The following PPP1R1C variants were observed in gnomAD, a reference collection of about 807,000 sequenced individuals.
PPP1R1C encodes the protein protein phosphatase 1 regulatory subunit 1C.
PPP1R1C carries 15 observed loss-of-function variants against 17.4 expected under a neutral mutation model. The ratio of observed to expected loss-of-function variants is 0.86; its 90% CI spans 0.58 to 1.33. The LOEUF (loss-of-function observed/expected upper bound fraction) is 1.33, where lower values mean the gene tolerates loss of function less well. Ranked by LOEUF, PPP1R1C falls within the 40% of genes most tolerant of loss-of-function variation. The pLI is 0.00. For missense variants in PPP1R1C, 143 were observed against 130.0 expected, an observed-to-expected ratio of 1.10 and a Z score of -0.48; for synonymous variants, 35 against 43.1, an observed-to-expected ratio of 0.81 and a Z score of 0.73.
At chr2:182,004,793 C>T (rs1262756332) in intron 2 of PPP1R1C, among the ~76,000 whole-genome samples, 1 of 152,152 alleles carries the variant, frequency 6.6e-6, no homozygotes, top group Non-Finnish European at 1.5e-5. Context: ...GAAAAAGAAA[C>T]CTGAGTGCAT....
chr2:182,031,308 A>G (rs947998468), intron 2 of PPP1R1C, among the ~76,000 whole-genome samples: 1 of 152,230 alleles, frequency 6.6e-6, no homozygotes, highest in African/African-American at 2.4e-5. Context: ...AATGATGATT[A>G]TATTTGGATA....
chr2:182,100,067 C>T (rs1194574542), intron 4 of PPP1R1C, among the ~76,000 whole-genome samples: 1 of 152,176 alleles, frequency 6.6e-6, no homozygotes, highest in African/African-American at 2.4e-5. Flanking sequence ...GAAAGATACT[C>T]CTGAGATAAA....
At chr2:182,071,196 A>G (rs571451241) in intron 4 of PPP1R1C, among the ~76,000 whole-genome samples, 2 of 152,268 alleles carry the variant, frequency 1.3e-5, no homozygotes, top group East Asian at 1.9e-4. Flanking sequence ...CTAGGAATCT[A>G]TCCAGCATAC....
At chr2:181,988,963 A>G (rs1168949941) in intron 2 of PPP1R1C, among the ~76,000 whole-genome samples, 1 of 152,216 alleles carries the variant, frequency 6.6e-6, no homozygotes, top group African/African-American at 2.4e-5. Flanking sequence ...ATTATTTTCA[A>G]ATATATTATC....
intron 2 of PPP1R1C, among the ~76,000 whole-genome samples, chr2:182,000,129 C>T (rs558933276): frequency 6.6e-6 from 1 of 152,300 alleles, no homozygotes; most frequent in Non-Finnish European, 1.5e-5. Context: ...TATGTCATGA[C>T]ACCAAACCAG....
chr2:181,974,715 C>A (rs1340989925), intron 1 of PPP1R1C, among the ~76,000 whole-genome samples: 1 of 152,184 alleles, frequency 6.6e-6, no homozygotes, highest in Non-Finnish European at 1.5e-5. Context: ...AAGACAGTCA[C>A]TTGGGGTTGG....
At chr2:182,016,168 G>A (rs1041001927) in intron 2 of PPP1R1C, among the ~76,000 whole-genome samples, 18 of 152,242 alleles carry the variant, frequency 1.2e-4, no homozygotes, top group South Asian at 2.1e-4. Context: ...CATCCAATGC[G>A]AAGACTCACA....
chr2:182,121,904 T>C (rs1013115283), downstream of PPP1R1C, among the ~76,000 whole-genome samples: 11 of 152,204 alleles, frequency 7.2e-5, no homozygotes, highest in Non-Finnish European at 1.5e-4. Context: ...CCTGCTTCTT[T>C]GATTCATCTC....
intron 4 of PPP1R1C, among the ~76,000 whole-genome samples, chr2:182,082,040 G>A (rs981684740): frequency 5.3e-5 from 8 of 151,982 alleles, no homozygotes; most frequent in African/African-American, 1.9e-4. Flanking sequence ...ATAAACAAAA[G>A]CTATTACTTT....
intron 4 of PPP1R1C, among the ~76,000 whole-genome samples, chr2:182,070,032 G>A (rs1187534798): frequency 6.6e-6 from 1 of 152,186 alleles, no homozygotes; most frequent in Admixed American, 6.5e-5. Context: ...CAGTCTGGAG[G>A]AAGCAACATA....
At chr2:181,980,196 T>C (rs1685168144) in intron 2 of PPP1R1C, among the ~76,000 whole-genome samples, 1 of 152,240 alleles carries the variant, frequency 6.6e-6, no homozygotes, top group African/African-American at 2.4e-5. Context: ...TGAAAGCATT[T>C]TGGAAATGAA....
chr2:182,059,753 T>C (rs976207944), intron 2 of PPP1R1C, among the ~76,000 whole-genome samples: 3 of 152,096 alleles, frequency 2.0e-5, no homozygotes, highest in Non-Finnish European at 2.9e-5. Flanking sequence ...ACAAACCTTT[T>C]TTCATTGAAA....
chr2:182,051,112 A>G (rs1687503531), intron 2 of PPP1R1C, among the ~76,000 whole-genome samples: 1 of 152,258 alleles, frequency 6.6e-6, no homozygotes, highest in Non-Finnish European at 1.5e-5. Context: ...AAGGTGCGGT[A>G]TTTTGTTTTA....
At chr2:182,066,872 A>T (rs1687996320) in intron 4 of PPP1R1C, among the ~76,000 whole-genome samples, 1 of 151,966 alleles carries the variant, frequency 6.6e-6, no homozygotes, top group Non-Finnish European at 1.5e-5. Flanking sequence ...GACTGCTTGA[A>T]TCATGTTTTC....
Position 181,979,728 on chromosome 2 carries a change from G to A in PPP1R1C, n.157+4464G>A, listed in dbSNP as rs192768479. On this transcript the variant is annotated intron_variant and non_coding_transcript_variant, in intron 2 of 5. Transcript: ENST00000464264. ...GAAGATAACTGGGTGTAAATAGAGT[G>A]TACGTAGTGTTAGAGGCGATGGAGC... is the stretch of plus-strand genomic sequence containing the variant. Among the ~76,000 whole-genome samples the A allele has an allele frequency of 6.6e-5, 10 of 152,290 alleles. No individual in the cohort carries two copies. In the East Asian group the frequency reaches 1.9e-3, roughly 29 times the overall value.
At chr2:182,130,502 T>G (rs1463522555), downstream of PPP1R1C, 1 of 152,192 alleles carries the variant, frequency 6.6e-6, no homozygotes, top group Admixed American at 6.5e-5. Flanking sequence ...TGGCTTTGCA[T>G]GAATCAAAGG....
At chr2:182,077,082 C>T (rs1688336019) in intron 4 of PPP1R1C, among the ~76,000 whole-genome samples, 1 of 152,090 alleles carries the variant, frequency 6.6e-6, no homozygotes, top group Non-Finnish European at 1.5e-5. Context: ...TCTAGTCTAC[C>T]TTCAAATTTT....
At chr2:182,010,985 A>G (rs774093190) in intron 2 of PPP1R1C, among the ~76,000 whole-genome samples, 4 of 152,076 alleles carry the variant, frequency 2.6e-5, no homozygotes, top group Non-Finnish European at 5.9e-5. Flanking sequence ...CTTGGTCATG[A>G]TGAATAATCT....
rs988766176 is a variant in PPP1R1C, at chr2:182,111,666, A to C, written c.242-5541A>C. On this transcript the variant is annotated intron_variant, in intron 4 of 4. Coordinates refer to ENST00000682840, the MANE Select transcript of PPP1R1C (RefSeq NM_001080545.3). The stretch of plus-strand genomic sequence containing the variant: ...TCTGAGAGATGGTGGACCTTTACTG[A>C]GGGGCCTTTCTGTTTTATATTATAG... Among the ~76,000 whole-genome samples, 7 of 151,964 alleles carry C rather than the reference A, an allele frequency of 4.6e-5. No homozygotes were observed. The East Asian group carries it at 1.4e-3, about 29-fold the overall frequency.
Sources: gnomAD v4.1 joint callset for allele counts (sites outside exome capture counted in the v4.1 genomes callset) on GRCh38, gnomAD v4.1.1 for gene constraint, MANE v1.5 for transcripts, NCBI Gene and HGNC (gene_info 2026-07-23, HGNC 2026-07-21) for gene names.